MAGI2: variants seen among roughly 807,000 people sequenced by gnomAD.
MAGI2 encodes the protein membrane associated guanylate kinase, WW and PDZ domain containing 2.
In MAGI2, 35 loss-of-function variants were observed where a neutral mutation model predicts 133.3. The ratio of observed to expected loss-of-function variants is 0.26; its 90% CI spans 0.20 to 0.35. MAGI2 has a LOEUF of 0.35. Ranked by LOEUF, MAGI2 falls within the 10% of genes least tolerant of loss-of-function variation. MAGI2 has a pLI of 1.00. For missense variants in MAGI2, 1,636 were observed against 1,863.4 expected (o/e 0.88, Z 2.25); for synonymous variants, 729 against 710.6 (o/e 1.03, Z -0.41).
intron 3 of MAGI2, among the ~76,000 whole-genome samples, chr7:78,584,603 G>C (rs1803209886): frequency 6.6e-6 from 1 of 152,164 alleles, no homozygotes; most frequent in Non-Finnish European, 1.5e-5. Context: ...TGAAGACCAA[G>C]TGCAACCTAG....
intron 1 of MAGI2, among the ~76,000 whole-genome samples, chr7:79,316,944 G>C (rs1417060213): frequency 1.4e-5 from 2 of 143,132 alleles, no homozygotes; most frequent in Admixed American, 1.4e-4. Context: ...AGGAGCCCAT[G>C]TTCTTTCTAC....
chr7:79,153,354 T>A (rs1327363183), intron 1 of MAGI2, among the ~76,000 whole-genome samples: 1 of 152,152 alleles, frequency 6.6e-6, no homozygotes, highest in African/African-American at 2.4e-5. Flanking sequence ...CCTGCCCTCA[T>A]GGAGCGCACA....
intron 2 of MAGI2, among the ~76,000 whole-genome samples, chr7:78,919,923 T>A (rs1259148499): frequency 2.0e-5 from 3 of 152,136 alleles, no homozygotes; most frequent in Non-Finnish European, 4.4e-5. Context: ...TGATTATGTA[T>A]GCAGTGAGGT....
intron 2 of MAGI2, among the ~76,000 whole-genome samples, chr7:78,970,088 C>A (rs1254739517): frequency 6.6e-6 from 1 of 151,916 alleles, no homozygotes; most frequent in Non-Finnish European, 1.5e-5. Context: ...TCATTATGGT[C>A]TTCCAAATTC....
chr7:78,918,388 T>G lies in MAGI2; in HGVS notation c.418+88702A>C, dbSNP rs1798961209. 2.6e-5 allele frequency among the ~76,000 whole-genome samples: 4 copies of G among 152,196 alleles called. No individual in the cohort carries two copies. In the South Asian group the frequency reaches 8.3e-4, roughly 31 times the overall value. The stretch of plus-strand genomic sequence containing the variant: ...TGAATCTAAGCTTTTAGTCTTGGCC[T>G]GAACAAAGTGATCTTTAAATGATCT... On this transcript the variant is annotated intron_variant, in intron 2 of 21. Coordinates refer to ENST00000354212, the MANE Select transcript of MAGI2 (RefSeq NM_012301.4).
chr7:78,755,316 GTTTCA>G (rs943455184), intron 2 of MAGI2, among the ~76,000 whole-genome samples: 1 of 152,126 alleles, frequency 6.6e-6, no homozygotes, highest in Non-Finnish European at 1.5e-5. Flanking sequence ...AAATCATTTG[GTTTCA>G]TTTGTTTTTG....
At chr7:79,246,372 C>T (rs1306579463) in intron 1 of MAGI2, among the ~76,000 whole-genome samples, 1 of 152,038 alleles carries the variant, frequency 6.6e-6, no homozygotes, top group African/African-American at 2.4e-5. Flanking sequence ...TTCAAAATAG[C>T]TGTTTTGAGG....
chr7:78,206,907 T>A (rs1280967717), intron 10 of MAGI2, among the ~76,000 whole-genome samples: 2 of 152,210 alleles, frequency 1.3e-5, no homozygotes, highest in African/African-American at 2.4e-5. Context: ...CACTACTGAT[T>A]TCCATGCCCT....
chr7:79,220,576 G>GC lies in MAGI2; in HGVS notation c.302-213371_302-213370insG, dbSNP rs566617234. On this transcript the variant is annotated intron_variant, in intron 1 of 21. Coordinates refer to ENST00000354212, the MANE Select transcript of MAGI2 (RefSeq NM_012301.4). ...GACCCTTTAAAGAACCTCTTGGTTGGAAGTCAGAGAAGCGGCAAAGATATG... is the reference window on the plus strand; with the variant it reads ...GACCCTTTAAAGAACCTCTTGGTTGGCAAGTCAGAGAAGCGGCAAAGATATG... Among the ~76,000 whole-genome samples the GC allele has an allele frequency of 5.1e-4, 78 of 152,016 alleles. No individual in the cohort carries two copies. In the East Asian group the frequency reaches 0.011, roughly 21 times the overall value.
chr7:78,342,996 T>G (rs1470429883), intron 9 of MAGI2, among the ~76,000 whole-genome samples: 2 of 152,160 alleles, frequency 1.3e-5, no homozygotes, highest in Admixed American at 1.3e-4. Context: ...GAATCAGCAC[T>G]TAAAAGACAT....
chr7:79,268,288 A>C (rs1430029562), intron 1 of MAGI2, among the ~76,000 whole-genome samples: 1 of 152,228 alleles, frequency 6.6e-6, no homozygotes. Flanking sequence ...ATGAAAATAA[A>C]ACAAAGCAAA....
intron 3 of MAGI2, among the ~76,000 whole-genome samples, chr7:78,536,343 A>G (rs1030077142): frequency 1.3e-5 from 2 of 150,674 alleles, no homozygotes; most frequent in Admixed American, 1.3e-4. Context: ...CGATCTCCTG[A>G]CCTCGTGATC....
At chr7:78,200,594 C>CAT (rs1023510544) in intron 11 of MAGI2, among the ~76,000 whole-genome samples, 41 of 151,960 alleles carry the variant, frequency 2.7e-4, no homozygotes, top group African/African-American at 9.7e-4. Context: ...TATGTATATA[C>CAT]ATATATATAT....
intron 3 of MAGI2, among the ~76,000 whole-genome samples, chr7:78,547,658 C>A (rs533110985): frequency 6.6e-5 from 10 of 152,196 alleles, no homozygotes; most frequent in Non-Finnish European, 1.2e-4. Context: ...CACGCGCGCA[C>A]ACACACACTC....
At chr7:78,407,200 T>C (rs1012541955) in intron 6 of MAGI2, among the ~76,000 whole-genome samples, 3 of 152,028 alleles carry the variant, frequency 2.0e-5, no homozygotes, top group Non-Finnish European at 2.9e-5. Context: ...TCCGAAGTCA[T>C]GCAGTCTTTC....
At chr7:78,589,237 C>G (rs12705630) in intron 3 of MAGI2, among the ~76,000 whole-genome samples, 3 of 152,136 alleles carry the variant, frequency 2.0e-5, no homozygotes, top group Admixed American at 6.5e-5. Flanking sequence ...CACACTTACA[C>G]GGTGCTGATT....
chr7:78,154,196 C>T (rs1223490893), intron 16 of MAGI2, among the ~76,000 whole-genome samples: 1 of 152,204 alleles, frequency 6.6e-6, no homozygotes, highest in African/African-American at 2.4e-5. Flanking sequence ...AGCCTATGGA[C>T]ATCATCAAGG....
At chr7:78,682,111 T>C (rs1009883767) in intron 2 of MAGI2, among the ~76,000 whole-genome samples, 4 of 152,134 alleles carry the variant, frequency 2.6e-5, no homozygotes, top group Non-Finnish European at 5.9e-5. Flanking sequence ...ATTCCAGTTT[T>C]AGTCTATATT....
chr7:79,183,458 G>A (rs1290295362), intron 1 of MAGI2, among the ~76,000 whole-genome samples: 1 of 151,678 alleles, frequency 6.6e-6, no homozygotes, highest in Non-Finnish European at 1.5e-5. Context: ...GAAAATGGGA[G>A]TTTAAAAAAA....
Sources: gnomAD v4.1 joint callset for allele counts (sites outside exome capture counted in the v4.1 genomes callset) on GRCh38, gnomAD v4.1.1 for gene constraint, MANE v1.5 for transcripts, NCBI Gene and HGNC (gene_info 2026-07-23, HGNC 2026-07-21) for gene names.